Variants in CYP4F22 observed in about 807,000 individuals in gnomAD.
CYP4F22 encodes the protein ultra-long-chain fatty acid omega-hydroxylase.
In CYP4F22, 37 loss-of-function variants were observed where a neutral mutation model predicts 60.4. The observed-to-expected ratio is 0.61, with a 90% CI of 0.47 to 0.81. CYP4F22 has a LOEUF of 0.81. Ranked by LOEUF, CYP4F22 falls within the 30% of genes least tolerant of loss-of-function variation. CYP4F22 has a pLI of 0.00. For missense variants in CYP4F22, 655 were observed against 715.0 expected (o/e 0.92, Z 0.96); for synonymous variants, 258 against 280.5 (o/e 0.92, Z 0.80).
Position 15,545,383 on chromosome 19 carries a change from C to T in CYP4F22, c.1136+1104C>T, listed in dbSNP as rs533777711. ...CAGCATTAGGCTGGGCGTGGTGGCT[C>T]ATGCCTGTAATTCCAGCACTTTGGG... On this transcript the variant is annotated intron_variant, in intron 10 of 13. Transcript: ENST00000269703. Among the ~76,000 whole-genome samples, 7 of 152,162 alleles carry T rather than the reference C, an allele frequency of 4.6e-5. No homozygotes were observed. In the South Asian group the frequency reaches 1.2e-3, roughly 27 times the overall value.
chr19:15,511,263 C>T (rs1198614116), intron 1 of CYP4F22, among the ~76,000 whole-genome samples: 2 of 151,224 alleles, frequency 1.3e-5, no homozygotes, highest in Admixed American at 1.3e-4. Context: ...TGAGCCACCG[C>T]GCCCAGCACT....
chr19:15,550,763 C>G lies in CYP4F22; in HGVS notation c.1418+7C>G, dbSNP rs1167237089. 20 of 1,613,972 alleles carry G rather than the reference C, an allele frequency of 1.2e-5. No homozygotes were observed. Among genetic ancestry groups the G allele is most frequent in the East Asian group, 2.2e-5 (1 of 44,894 alleles). The stretch of plus-strand genomic sequence containing the variant: ...CCTTCTCTGCAGGACCCAGGTAACC[C>G]CTCTATTTCCCCTAGTCCAAGCCAG... On this transcript the variant is annotated splice_region_variant and intron_variant, in intron 13 of 13. Transcript: ENST00000269703.
chr19:15,541,865 C>CAAAAAAAAAA (rs1052977392), intron 8 of CYP4F22, among the ~76,000 whole-genome samples: 8 of 99,644 alleles, frequency 8.0e-5, no homozygotes, highest in African/African-American at 1.5e-4. Flanking sequence ...AACTCCGTCT[C>CAAAAAAAAAA]AAAAAAAAAA....
chr19:15,518,498 A>AAT (rs1555726928), intron 1 of CYP4F22, among the ~76,000 whole-genome samples: 15 of 149,732 alleles, frequency 1.0e-4, no homozygotes, highest in African/African-American at 2.5e-4. Context: ...AAAAAAAAAA[A>AAT]ATTACCTGGG....
chr19:15,525,209 A>C, intron 2 of CYP4F22, 127 bp from the exon 3 acceptor site: 1 of 865,798 alleles, frequency 1.2e-6, no homozygotes, highest in Non-Finnish European at 1.9e-6. Flanking sequence ...TGGGGGATGA[A>C]GAGGTATCCT....
chr19:15,524,644 C>T (rs1352836727), intron 2 of CYP4F22, among the ~76,000 whole-genome samples: 1 of 148,852 alleles, frequency 6.7e-6, no homozygotes, highest in Non-Finnish European at 1.5e-5. Context: ...AGGAGACCTT[C>T]TTTCAAAAAG....
At position 15,544,275 on chromosome 19, in the gene CYP4F22, G is replaced by C; in HGVS notation, c.1132G>C (p.Glu378Gln). 2.5e-6 allele frequency: 4 copies of C among 1,613,690 alleles called. No homozygotes were observed. The highest frequency in any genetic ancestry group is 3.4e-6 in the Non-Finnish European group (4 of 1,179,980). Reference protein sequence around the residue: ...VMKGRELEELEWDDLTQLPFT... With the variant: ...VMKGRELEELQWDDLTQLPFT... ...GAAAGGCCGGGAGCTGGAGGAGCTG[G>C]AGTGGTGAGTGTGGGGTCAGGGGAA... Residue 378 changes from glutamate to glutamine, a missense_variant, in exon 10 of 14, where the codon GAG becomes CAG. Coordinates refer to ENST00000269703, the MANE Select transcript of CYP4F22 (RefSeq NM_173483.4).
chr19:15,531,561 T>A (rs1342759147), intron 4 of CYP4F22, among the ~76,000 whole-genome samples: 1 of 152,150 alleles, frequency 6.6e-6, no homozygotes, highest in Admixed American at 6.5e-5. Context: ...CTCCCGTTAT[T>A]ACATTTGTGA....
At chr19:15,510,414 A>C (rs1439956297) in intron 1 of CYP4F22, among the ~76,000 whole-genome samples, 1 of 152,184 alleles carries the variant, frequency 6.6e-6, no homozygotes, top group Non-Finnish European at 1.5e-5. Context: ...TGTGCCTGGA[A>C]GATTGCAGCC....
chr19:15,542,695 T>C (rs569165291), intron 8 of CYP4F22, among the ~76,000 whole-genome samples: 34 of 151,668 alleles, frequency 2.2e-4, no homozygotes, highest in African/African-American at 8.2e-4. Context: ...TATCCTGATA[T>C]TCTCCCTCCT....
chr19:15,549,129 T>C lies in CYP4F22; in HGVS notation c.1271-9T>C, dbSNP rs2144547480. On this transcript the variant is annotated splice_polypyrimidine_tract_variant and intron_variant, in intron 11 of 13. Transcript: ENST00000269703. ...CCCTTGGCCCCACTGATCCCATCTT[T>C]CCCCACAGGAATCATCTGCTTGGTC... is the stretch of plus-strand genomic sequence containing the variant. 1.9e-6 allele frequency: 3 copies of C among 1,613,942 alleles called. No homozygotes were observed. Among genetic ancestry groups the C allele is most frequent in the Non-Finnish European group, 2.5e-6 (3 of 1,179,960 alleles).
At chr19:15,543,874 A>T in intron 8 of CYP4F22, 97 bp from the exon 9 acceptor site, 4 of 1,335,808 alleles carry the variant, frequency 3.0e-6, no homozygotes, top group Non-Finnish European at 4.1e-6. Context: ...AAAAAAAAAA[A>T]AAAGATGGGG....
In CYP4F22 at chr19:15,539,709, C is replaced by G. The variant is rs184516451; in HGVS notation, c.672-741C>G. Reference sequence around the variant, plus strand: ...GAGCTCCAGTTTTTCCACATACTCACTAACACTTGCTTTTTTTTGTTGTTG... The same window carrying G: ...GAGCTCCAGTTTTTCCACATACTCAGTAACACTTGCTTTTTTTTGTTGTTG... On this transcript the variant is annotated intron_variant, in intron 7 of 13. Transcript: ENST00000269703. Among the ~76,000 whole-genome samples, 6 of 152,318 alleles carry G rather than the reference C, an allele frequency of 3.9e-5. No individual in the cohort carries two copies. In the East Asian group the frequency reaches 7.7e-4, roughly 20 times the overall value.
intron 10 of CYP4F22, among the ~76,000 whole-genome samples, chr19:15,547,417 T>C (rs1971539573): frequency 6.6e-6 from 1 of 152,086 alleles, no homozygotes; most frequent in Admixed American, 6.6e-5. Context: ...CTCGCCTAGG[T>C]GCCCCTGGAC....
At chr19:15,538,088 G>A in intron 7 of CYP4F22, 95 bp downstream of exon 7, 1 of 1,552,272 alleles carries the variant, frequency 6.4e-7, no homozygotes. Flanking sequence ...GACAACTCTG[G>A]CCTATGGGAG....
rs765769509 is a variant in CYP4F22 at position 15,529,869 on chromosome 19, C to T, written c.367+16C>T. The T allele has an allele frequency of 1.9e-6, 3 of 1,613,678 alleles. No individual in the cohort carries two copies. The highest frequency in any genetic ancestry group is 2.5e-6 in the Non-Finnish European group (3 of 1,180,018). The stretch of plus-strand genomic sequence containing the variant: ...GGAGCCTCAGGTACGTGGGCTGGGC[C>T]TCCGATCTATGGTTGAGTCCTCAAC... On this transcript the variant is annotated intron_variant, in intron 4 of 13. Transcript: ENST00000269703.
intron 2 of CYP4F22, 129 bp from the exon 3 acceptor site, chr19:15,525,207 G>A (rs1385348745): frequency 1.2e-6 from 1 of 857,576 alleles, no homozygotes; most frequent in East Asian, 2.7e-5. Flanking sequence ...GCTGGGGGAT[G>A]AAGAGGTATC....
chr19:15,512,389 T>C (rs987191277), intron 1 of CYP4F22, among the ~76,000 whole-genome samples: 2 of 152,178 alleles, frequency 1.3e-5, no homozygotes, highest in African/African-American at 4.8e-5. Context: ...TGGAGTGCAG[T>C]GGCAAGATTT....
At chr19:15,528,274 A>G (rs756844185) in intron 3 of CYP4F22, among the ~76,000 whole-genome samples, 1 of 152,144 alleles carries the variant, frequency 6.6e-6, no homozygotes, top group Non-Finnish European at 1.5e-5. Flanking sequence ...GCAACATAGC[A>G]AGACCCAGTT....
Sources: allele counts gnomAD v4.1 joint callset (sites outside exome capture counted in the v4.1 genomes callset), GRCh38; gene constraint gnomAD v4.1.1; transcripts MANE v1.5; gene names NCBI Gene and HGNC (gene_info 2026-07-23, HGNC 2026-07-21).